The following CORIN variants were observed in gnomAD, a reference collection of about 807,000 sequenced individuals.
CORIN encodes atrial natriuretic peptide-converting enzyme.
A neutral mutation model predicts 125.3 loss-of-function variants in CORIN; 117 were observed. The ratio of observed to expected loss-of-function variants is 0.93; its 90% confidence interval spans 0.80 to 1.09. CORIN has a LOEUF of 1.09. CORIN is among the 50% of genes least tolerant of loss of function. The pLI is 0.00. For missense variants in CORIN, 1,253 were observed against 1,306.7 expected, an observed-to-expected ratio of 0.96 and a Z score of 0.63; for synonymous variants, 450 against 466.4, an observed-to-expected ratio of 0.96 and a Z score of 0.45.
chr4:47,716,700 T>C (rs973899842), intron 5 of CORIN, among the ~76,000 whole-genome samples: 7 of 152,188 alleles, frequency 4.6e-5, no homozygotes, highest in Non-Finnish European at 7.3e-5. Flanking sequence ...TTAGAATGCT[T>C]TTAAAATTTA....
chr4:47,775,695 T>C (rs963687296), intron 3 of CORIN, among the ~76,000 whole-genome samples: 3 of 151,836 alleles, frequency 2.0e-5, no homozygotes, highest in African/African-American at 7.3e-5. Context: ...AGGGAGAAAG[T>C]TGGCACCTGT....
At chr4:47,704,636 G>A (rs1415170016) in intron 5 of CORIN, among the ~76,000 whole-genome samples, 1 of 152,072 alleles carries the variant, frequency 6.6e-6, no homozygotes, top group Non-Finnish European at 1.5e-5. Flanking sequence ...AGCAGATAAC[G>A]GGAAGTCAAA....
chr4:47,808,532 T>C (rs1731909113), intron 1 of CORIN, among the ~76,000 whole-genome samples: 1 of 152,220 alleles, frequency 6.6e-6, no homozygotes, highest in East Asian at 1.9e-4. Flanking sequence ...GATGACACCT[T>C]CTGTAATTTT....
At chr4:47,793,440 G>A (rs750745762) in intron 2 of CORIN, among the ~76,000 whole-genome samples, 8 of 152,156 alleles carry the variant, frequency 5.3e-5, no homozygotes, top group Non-Finnish European at 1.2e-4. Context: ...AGAAAGGTTA[G>A]CTTAAGGAAA....
chr4:47,634,299 T>G (rs1722944278), intron 16 of CORIN, among the ~76,000 whole-genome samples: 1 of 152,132 alleles, frequency 6.6e-6, no homozygotes, highest in Non-Finnish European at 1.5e-5. Context: ...GCATTCGTCT[T>G]TATAACCAAA....
chr4:47,780,008 T>C (rs932133666), intron 3 of CORIN, among the ~76,000 whole-genome samples: 4 of 152,186 alleles, frequency 2.6e-5, no homozygotes, highest in African/African-American at 7.2e-5. Context: ...GGGAAAAAGC[T>C]AGATATAAAG....
intron 5 of CORIN, among the ~76,000 whole-genome samples, chr4:47,714,241 TTA>T (rs1726987851): frequency 6.6e-6 from 1 of 152,220 alleles, no homozygotes; most frequent in Non-Finnish European, 1.5e-5. Context: ...AGTATTATTT[TTA>T]TATCTTTGAA....
At chr4:47,798,239 T>C (rs1731382755) in intron 2 of CORIN, among the ~76,000 whole-genome samples, 1 of 152,164 alleles carries the variant, frequency 6.6e-6, no homozygotes, top group Non-Finnish European at 1.5e-5. Flanking sequence ...CAGAAATCGT[T>C]TTACCATCTT....
In CORIN at chr4:47,788,129, T is replaced by C. The variant is rs560998584; in HGVS notation, c.209-1204A>G. Among the ~76,000 whole-genome samples the C allele has an allele frequency of 6.6e-5, 10 of 152,308 alleles. No individual in the cohort carries two copies. The South Asian group carries it at 2.1e-3, about 32-fold the overall frequency. On this transcript the variant is annotated intron_variant, in intron 2 of 21. Transcript: ENST00000273857. ...TGAGCATGCCACGAAAATAAATGAA[T>C]GTGATATTGACCCATCGATAGAAAG...
chr4:47,738,790 A>G (rs1039004835), intron 5 of CORIN, among the ~76,000 whole-genome samples: 3 of 152,176 alleles, frequency 2.0e-5, no homozygotes, highest in Non-Finnish European at 4.4e-5. Flanking sequence ...CATTCAAAGA[A>G]CTAAGGAACA....
intron 19 of CORIN, among the ~76,000 whole-genome samples, chr4:47,609,820 C>T (rs921378041): frequency 2.6e-5 from 4 of 152,158 alleles, no homozygotes; most frequent in Non-Finnish European, 5.9e-5. Context: ...GTGTTCTCAT[C>T]ATTCAGCTCC....
intron 10 of CORIN, among the ~76,000 whole-genome samples, chr4:47,673,179 A>AAAATAAATAAATAAAT (rs66990449): frequency 7.0e-6 from 1 of 142,738 alleles, no homozygotes; most frequent in Non-Finnish European, 1.5e-5. Context: ...TCTTTACCAA[A>AAAATAAATAAATAAAT]AAATAAATAA....
At chr4:47,632,770 T>TAGATGATAGATAG (rs1560481530) in intron 16 of CORIN, among the ~76,000 whole-genome samples, 2 of 111,408 alleles carry the variant, frequency 1.8e-5, no homozygotes, top group African/African-American at 3.3e-5. Flanking sequence ...TAGATAGAGA[T>TAGATGATAGATAG]AGATAGTTAG....
rs1721228263 is a variant in CORIN at position 47,595,806 on chromosome 4, A to G, written c.3044T>C (p.Leu1015Pro). Residue 1015 changes from leucine (L) to proline (P), a missense_variant, in exon 22 of 22, where the codon CTG (leucine) becomes CCG (proline). Transcript: ENST00000273857. The part of the protein sequence containing the change: ...SWGSVCFSKV[L>P]GPGVYSNVSY... ...CACATTACTATAAACGCCAGGCCCC[A>G]GGACTTTGGAAAAGCAGACGGAGCC... The G allele has an allele frequency of 6.2e-7, 1 of 1,613,830 alleles. No individual in the cohort carries two copies. The highest frequency in any genetic ancestry group is 8.5e-7 in the Non-Finnish European group (1 of 1,179,836).
At chr4:47,602,601 TAG>T (rs1433388613) in intron 20 of CORIN, among the ~76,000 whole-genome samples, 1 of 152,076 alleles carries the variant, frequency 6.6e-6, no homozygotes, top group Non-Finnish European at 1.5e-5. Flanking sequence ...TGCAGGCAGA[TAG>T]AGAGAGTCCA....
intron 1 of CORIN, among the ~76,000 whole-genome samples, chr4:47,818,787 C>A (rs1026933998): frequency 6.6e-6 from 1 of 150,762 alleles, no homozygotes; most frequent in Non-Finnish European, 1.5e-5. Context: ...GTGGGAGGAT[C>A]ACTGGAGCCC....
intron 4 of CORIN, among the ~76,000 whole-genome samples, chr4:47,759,689 G>C (rs1729357308): frequency 6.6e-6 from 1 of 152,098 alleles, no homozygotes; most frequent in South Asian, 2.1e-4. Context: ...AATAAGTTAA[G>C]GTAATATTCA....
intron 10 of CORIN, among the ~76,000 whole-genome samples, chr4:47,665,764 G>C (rs1724451800): frequency 6.6e-6 from 1 of 152,134 alleles, no homozygotes; most frequent in African/African-American, 2.4e-5. Context: ...GGCAAGAGGA[G>C]GCTCAGATCT....
chr4:47,679,116 G>T (rs1234532067), intron 8 of CORIN, among the ~76,000 whole-genome samples: 1 of 152,150 alleles, frequency 6.6e-6, no homozygotes, highest in Non-Finnish European at 1.5e-5. Flanking sequence ...GAAATGAAAA[G>T]TATAATTAAT....
Sources: gnomAD v4.1 joint callset for allele counts (sites outside exome capture counted in the v4.1 genomes callset) on GRCh38, gnomAD v4.1.1 for gene constraint, MANE v1.5 for transcripts, NCBI Gene and HGNC (gene_info 2026-07-23, HGNC 2026-07-21) for gene names.